The following TMEM131L variants were observed in gnomAD, a reference collection of about 807,000 sequenced individuals.
TMEM131L encodes transmembrane 131 like, also known as transmembrane protein 131-like.
In TMEM131L, 54 loss-of-function variants were observed where a neutral mutation model predicts 192.2. The ratio of observed to expected loss-of-function variants is 0.28; its 90% CI spans 0.23 to 0.35. TMEM131L has a LOEUF of 0.35. Ranked by LOEUF, TMEM131L falls within the 10% of genes least tolerant of loss-of-function variation. TMEM131L has a pLI of 1.00. For synonymous variants in TMEM131L, 701 were observed against 704.9 expected (o/e 0.99, Z 0.09); for missense variants, 1,888 against 1,972.9 (o/e 0.96, Z 0.82).
At chr4:153,603,502 G>C in intron 24 of TMEM131L, 50 bp downstream of exon 24, 1 of 1,532,892 alleles carries the variant, frequency 6.5e-7, no homozygotes, top group African/African-American at 1.4e-5. Context: ...TCTCACTTTT[G>C]ATATTACTCA....
At chr4:153,524,198 T>TCTGG (rs1442690046) in intron 3 of TMEM131L, among the ~76,000 whole-genome samples, 1 of 151,110 alleles carries the variant, frequency 6.6e-6, no homozygotes, top group Non-Finnish European at 1.5e-5. Context: ...CCCTGGCTGC[T>TCTGG]CTGGATTGCC....
At chr4:153,616,529 C>T (rs527366789) in intron 26 of TMEM131L, among the ~76,000 whole-genome samples, 39 of 152,292 alleles carry the variant, frequency 2.6e-4, no homozygotes, top group African/African-American at 9.4e-4. Flanking sequence ...AAGGTTGAAG[C>T]CCAGGTTTGG....
At chr4:153,469,955 A>G (rs1282346104) in intron 2 of TMEM131L, among the ~76,000 whole-genome samples, 1 of 145,566 alleles carries the variant, frequency 6.9e-6, no homozygotes, top group East Asian at 1.9e-4. Flanking sequence ...CAAACAAACA[A>G]AAAAACCAGT....
chr4:153,527,935 A>G lies in TMEM131L; in HGVS notation c.240-22138A>G, dbSNP rs115392068. Among the ~76,000 whole-genome samples the G allele has an allele frequency of 7.0e-3, 1,073 of 152,230 alleles. 18 individuals are homozygous for G. Among genetic ancestry groups the G allele is most frequent in the African/African-American group, 0.024 (1,013 of 41,544 alleles). ...TCAGTTTCCTCTTTTTTGGTACTAT[A>G]TGCGTACAACTTCGAGAAGCTTCTG... On this transcript the variant is annotated intron_variant, in intron 3 of 34. Coordinates refer to ENST00000409959, the MANE Select transcript of TMEM131L (RefSeq NM_001131007.2).
chr4:153,507,107 G>A (rs868519669), intron 3 of TMEM131L, among the ~76,000 whole-genome samples: 19 of 152,174 alleles, frequency 1.2e-4, no homozygotes, highest in African/African-American at 3.4e-4. Flanking sequence ...TGGGCAGAGC[G>A]AGAAGTCAAA....
chr4:153,587,123 A>G (rs1420711307), intron 14 of TMEM131L, among the ~76,000 whole-genome samples: 1 of 152,172 alleles, frequency 6.6e-6, no homozygotes, highest in Non-Finnish European at 1.5e-5. Flanking sequence ...AAATTAAACA[A>G]TGTAAGGTTA....
At chr4:153,521,165 T>C (rs768079824) in intron 3 of TMEM131L, among the ~76,000 whole-genome samples, 5 of 152,214 alleles carry the variant, frequency 3.3e-5, no homozygotes, top group Non-Finnish European at 7.3e-5. Flanking sequence ...TGATACTGAC[T>C]CTTCTAGGCT....
rs17030027 is a variant in TMEM131L at position 153,473,211 on chromosome 4, A to G, written c.196-634A>G. On this transcript the variant is annotated intron_variant, in intron 2 of 34. Coordinates refer to ENST00000409959, the MANE Select transcript of TMEM131L (RefSeq NM_001131007.2). ...AGGTTCTTGAGCAGGGACTGAAGTG[A>G]TGACATTGAGTGCTGGGTCCTTACT... Among the ~76,000 whole-genome samples, 689 of 152,276 alleles carry G rather than the reference A, an allele frequency of 4.5e-3. 8 individuals carry two copies. The highest frequency in any genetic ancestry group is 0.015 in the African/African-American group (640 of 41,546).
intron 31 of TMEM131L, among the ~76,000 whole-genome samples, chr4:153,630,501 A>G (rs1472233603): frequency 3.3e-5 from 5 of 152,244 alleles, no homozygotes; most frequent in East Asian, 3.8e-4. Flanking sequence ...GTGATTGCAT[A>G]GACTGCACCT....
intron 14 of TMEM131L, among the ~76,000 whole-genome samples, chr4:153,587,270 T>C (rs1480740191): frequency 2.0e-5 from 3 of 152,128 alleles, no homozygotes; most frequent in African/African-American, 7.2e-5. Context: ...TTAAATGTCC[T>C]GAATAGCTAG....
intron 7 of TMEM131L, among the ~76,000 whole-genome samples, chr4:153,568,142 T>C (rs576136286): frequency 6.6e-6 from 1 of 152,336 alleles, no homozygotes; most frequent in Admixed American, 6.5e-5. Context: ...AAAAATTTTC[T>C]TAAGTTTCAA....
At chr4:153,565,837 T>C (rs1238417100) in intron 7 of TMEM131L, among the ~76,000 whole-genome samples, 1 of 152,248 alleles carries the variant, frequency 6.6e-6, no homozygotes, top group Non-Finnish European at 1.5e-5. Flanking sequence ...ACTGCGATTG[T>C]AACTAAATAT....
chr4:153,471,851 A>G (rs2149724258), intron 2 of TMEM131L, among the ~76,000 whole-genome samples: 1 of 152,378 alleles, frequency 6.6e-6, no homozygotes, highest in Middle Eastern at 3.4e-3. Context: ...TGAATAAGAA[A>G]GAATCTGCCT....
intron 3 of TMEM131L, among the ~76,000 whole-genome samples, chr4:153,508,078 A>G (rs1415514958): frequency 6.6e-6 from 1 of 152,192 alleles, no homozygotes; most frequent in Non-Finnish European, 1.5e-5. Flanking sequence ...AGGAGAATGT[A>G]AAAGAGGGAA....
intron 21 of TMEM131L, among the ~76,000 whole-genome samples, chr4:153,599,203 C>T (rs1023163305): frequency 1.8e-4 from 28 of 152,178 alleles, no homozygotes; most frequent in African/African-American, 3.1e-4. Context: ...AGCAGGAGCA[C>T]GAGAGGGGAG....
intron 4 of TMEM131L, among the ~76,000 whole-genome samples, chr4:153,552,966 A>T (rs1218573081): frequency 6.7e-6 from 1 of 149,948 alleles, no homozygotes. Flanking sequence ...TCCCTCAAAC[A>T]CTTTCAATCA....
chr4:153,490,123 C>G (rs1732660056), intron 3 of TMEM131L, among the ~76,000 whole-genome samples: 1 of 152,004 alleles, frequency 6.6e-6, no homozygotes. Context: ...CTGCAGTTTT[C>G]CAAGTGTGTA....
chr4:153,614,280 C>G (rs1462493827), intron 26 of TMEM131L, among the ~76,000 whole-genome samples: 1 of 152,186 alleles, frequency 6.6e-6, no homozygotes, highest in Admixed American at 6.5e-5. Context: ...AAAGTTCAGA[C>G]TTTCTTCCCT....
chr4:153,610,200 G>A (rs1353476196), intron 25 of TMEM131L, among the ~76,000 whole-genome samples: 3 of 152,140 alleles, frequency 2.0e-5, no homozygotes, highest in African/African-American at 7.2e-5. Flanking sequence ...TAGGCAAATA[G>A]TTGACTGTCC....
Sources: gnomAD v4.1 joint callset for allele counts (sites outside exome capture counted in the v4.1 genomes callset) on GRCh38, gnomAD v4.1.1 for gene constraint, MANE v1.5 for transcripts, NCBI Gene and HGNC (gene_info 2026-07-23, HGNC 2026-07-21) for gene names.